STX17: variants seen among roughly 807,000 people sequenced by gnomAD.
STX17 encodes syntaxin-17.
A neutral mutation model predicts 35.9 loss-of-function variants in STX17; 29 were observed. The ratio of observed to expected loss-of-function variants is 0.81; its 90% CI spans 0.60 to 1.10. STX17 has a LOEUF of 1.10. Ranked by LOEUF, STX17 falls within the 50% of genes least tolerant of loss-of-function variation. STX17 has a pLI of 0.00. For synonymous variants in STX17, 92 were observed against 118.3 expected, an observed-to-expected ratio of 0.78 and a Z score of 1.44; for missense variants, 312 against 352.3, an observed-to-expected ratio of 0.89 and a Z score of 0.92.
At chr9:99,908,404 A>G (rs570289390) in intron 1 of STX17, among the ~76,000 whole-genome samples, 1 of 152,236 alleles carries the variant, frequency 6.6e-6, no homozygotes, top group East Asian at 1.9e-4. Context: ...TTTCTTTATT[A>G]ATTGAAATTA....
intron 3 of STX17, among the ~76,000 whole-genome samples, chr9:99,942,517 C>G (rs1175527663): frequency 6.6e-6 from 1 of 152,030 alleles, no homozygotes; most frequent in East Asian, 1.9e-4. Context: ...GACGGGGTCT[C>G]CTTTTGTTAC....
rs775282666 is a variant in STX17 at position 99,968,503 on chromosome 9, A to T, written c.739A>T (p.Ile247Phe). 3 of 1,611,978 alleles carry T rather than the reference A, an allele frequency of 1.9e-6. No individual in the cohort carries two copies. Among genetic ancestry groups the T allele is most frequent in the Middle Eastern group, 1.7e-4 (1 of 5,996 alleles). ...ALIGGMVGGP[I>F]GLLAGFKVAG... ...CATCGGGGGAATGGTAGGGGGTCCT[A>T]TTGGCCTCCTTGCAGGCTTCAAAGT... The change falls in exon 8 of 8, where the codon ATT (isoleucine) becomes TTT (phenylalanine). Residue 247 changes from isoleucine to phenylalanine, a missense_variant. Ile to Phe is a conservative substitution (Grantham distance 21). Transcript: ENST00000259400.
intron 1 of STX17, among the ~76,000 whole-genome samples, chr9:99,909,174 T>C (rs1043677476): frequency 2.6e-5 from 4 of 152,262 alleles, no homozygotes; most frequent in South Asian, 2.1e-4. Flanking sequence ...AGTTAAAATA[T>C]TGTTTTCTAA....
At chr9:99,908,381 T>C (rs1269120731) in intron 1 of STX17, among the ~76,000 whole-genome samples, 1 of 152,252 alleles carries the variant, frequency 6.6e-6, no homozygotes, top group East Asian at 1.9e-4. Flanking sequence ...ATGATGATTT[T>C]CTACTTTCCT....
intron 6 of STX17, among the ~76,000 whole-genome samples, chr9:99,964,929 A>C (rs1332893770): frequency 1.3e-5 from 2 of 152,114 alleles, no homozygotes; most frequent in African/African-American, 2.4e-5. Context: ...GCAAAGTTTG[A>C]AGTTGCAAAC....
Position 99,968,428 on chromosome 9 carries a change from T to C in STX17, c.670-6T>C. 1 of 1,525,844 alleles carries C rather than the reference T, an allele frequency of 6.6e-7. No homozygotes were observed. Among genetic ancestry groups the C allele is most frequent in the East Asian group, 2.3e-5 (1 of 43,908 alleles). The allele number at this position is 1,525,844 out of a possible 1,614,324, so 94.5% of individuals were successfully genotyped here. A position where few individuals can be genotyped will look rare whatever the true frequency, so the allele number is the denominator to read the frequency against. ...TTTCTAAATTGAATTTTTTTTTTTT[T>C]TACAGGCTGCAAAATACAAGCTGGC... On this transcript the variant is annotated splice_polypyrimidine_tract_variant and splice_region_variant and intron_variant, in intron 7 of 7. Coordinates refer to ENST00000259400, the MANE Select transcript of STX17 (RefSeq NM_017919.3).
intron 1 of STX17, among the ~76,000 whole-genome samples, chr9:99,908,772 C>G (rs1183145502): frequency 6.6e-6 from 1 of 152,142 alleles, no homozygotes; most frequent in African/African-American, 2.4e-5. Flanking sequence ...GATCTGTGCT[C>G]TAGGGATGCT....
chr9:99,930,503 G>A (rs542050326), intron 3 of STX17, among the ~76,000 whole-genome samples: 5 of 152,044 alleles, frequency 3.3e-5, no homozygotes, highest in Non-Finnish European at 5.9e-5. Flanking sequence ...TCCTGAGCTC[G>A]TGGTCCACCC....
rs1442021589 is a variant in STX17, at chr9:99,967,743, A to G, written c.669+4A>G. 6.2e-7 allele frequency: 1 copy of G among 1,613,532 alleles called. No homozygotes were observed. The highest frequency in any genetic ancestry group is 1.3e-5 in the African/African-American group (1 of 75,032). On this transcript the variant is annotated splice_donor_region_variant and intron_variant, in intron 7 of 7. Coordinates refer to ENST00000259400, the MANE Select transcript of STX17 (RefSeq NM_017919.3). ...GGGAACCAAAAACTTAGGGAAGGTA[A>G]GATTCTGCTCCTGCTGACAAATCAA...
chr9:99,974,064 G>T lies in STX17; in HGVS notation c.*5391G>T, dbSNP rs1830061774. 1.3e-5 allele frequency among the ~76,000 whole-genome samples: 2 copies of T among 152,148 alleles called. No homozygotes were observed. The highest frequency in any genetic ancestry group is 6.5e-5 in the Admixed American group (1 of 15,276). ...TGGACGAGCCTAAAACTTGTATCCT[G>T]AAGAAAATATTTTTTTCCACCAGAA... On this transcript the variant is annotated 3_prime_UTR_variant, in exon 8 of 8. Coordinates refer to ENST00000259400, the MANE Select transcript of STX17 (RefSeq NM_017919.3).
At chr9:99,933,252 C>T (rs1478409552) in intron 3 of STX17, among the ~76,000 whole-genome samples, 1 of 152,124 alleles carries the variant, frequency 6.6e-6, no homozygotes, top group Non-Finnish European at 1.5e-5. Flanking sequence ...CTCCATATGT[C>T]TCTGATCTTT....
rs1011328474 is a variant in STX17, at chr9:99,960,174, T to C, written c.582+19T>C. On this transcript the variant is annotated intron_variant, in intron 6 of 7. Coordinates refer to ENST00000259400, the MANE Select transcript of STX17 (RefSeq NM_017919.3). ...AGTGAATGTAAGTATATAACTGTTTTGGATGCAGAATTGTTGGATTATTAG... is the reference window on the plus strand; with the variant it reads ...AGTGAATGTAAGTATATAACTGTTTCGGATGCAGAATTGTTGGATTATTAG... 1 of 1,610,562 alleles carries C rather than the reference T, an allele frequency of 6.2e-7. No homozygotes were observed. Among genetic ancestry groups the C allele is most frequent in the Non-Finnish European group, 8.5e-7 (1 of 1,178,122 alleles).
chr9:99,928,349 T>TA (rs1829032575), intron 2 of STX17, among the ~76,000 whole-genome samples: 1 of 148,050 alleles, frequency 6.8e-6, no homozygotes, highest in Non-Finnish European at 1.5e-5. Context: ...TTATTTTTTT[T>TA]AAATTCAGAT....
chr9:99,945,182 CTGT>C (rs1829455584), intron 3 of STX17, among the ~76,000 whole-genome samples: 1 of 151,994 alleles, frequency 6.6e-6, no homozygotes, highest in Non-Finnish European at 1.5e-5. Context: ...TCCATTTGTT[CTGT>C]TAATTACTTA....
At position 99,970,686 on chromosome 9, in the gene STX17, G is replaced by A. The variant is rs1338171683; in HGVS notation, c.*2013G>A. On this transcript the variant is annotated 3_prime_UTR_variant, in exon 8 of 8. Transcript: ENST00000259400. ...AACAGTTACATCAAGATTCTGCTGT[G>A]TCATTTAATTCTGAAACTCCCAGTA... Among the ~76,000 whole-genome samples the A allele has an allele frequency of 1.3e-5, 2 of 152,158 alleles. No individual in the cohort carries two copies. The highest frequency in any genetic ancestry group is 2.9e-5 in the Non-Finnish European group (2 of 68,032).
intron 3 of STX17, among the ~76,000 whole-genome samples, chr9:99,930,895 A>G (rs554173329): frequency 1.3e-5 from 2 of 152,158 alleles, no homozygotes; most frequent in Non-Finnish European, 2.9e-5. Context: ...TTCTCTTTCA[A>G]TATTGAAGGC....
rs773363527 is a variant in STX17, at chr9:99,967,651, A to T, written c.583-2A>T. The T allele has an allele frequency of 6.2e-7, 1 of 1,613,720 alleles. No homozygotes were observed. The highest frequency in any genetic ancestry group is 1.7e-5 in the Admixed American group (1 of 59,980). On this transcript the variant is annotated splice_acceptor_variant, in intron 6 of 7. Coordinates refer to ENST00000259400, the MANE Select transcript of STX17 (RefSeq NM_017919.3). LOFTEE classifies it high-confidence loss of function. ...GCTCACTCATAATTCCTTTGCATCT[A>T]GTCTCAGCAGGAGAAGATTGACAGC...
At chr9:99,910,616 T>A (rs1432733513) in intron 1 of STX17, among the ~76,000 whole-genome samples, 1 of 152,238 alleles carries the variant, frequency 6.6e-6, no homozygotes, top group Non-Finnish European at 1.5e-5. Flanking sequence ...ACATACAATG[T>A]GTAATGATCA....
chr9:99,911,928 A>G (rs899000835), intron 1 of STX17, among the ~76,000 whole-genome samples: 1 of 152,186 alleles, frequency 6.6e-6, no homozygotes, highest in Non-Finnish European at 1.5e-5. Context: ...CCAACAGTGT[A>G]TAAGAGTCCT....
Sources: allele counts gnomAD v4.1 joint callset (sites outside exome capture counted in the v4.1 genomes callset), GRCh38; gene constraint gnomAD v4.1.1; transcripts MANE v1.5; gene names NCBI Gene and HGNC (gene_info 2026-07-23, HGNC 2026-07-21).